Variants in RASGEF1A observed in about 807,000 individuals in gnomAD.
The protein encoded by RASGEF1A is ras-GEF domain-containing family member 1A.
A neutral mutation model predicts 56.4 loss-of-function variants in RASGEF1A; 18 were observed. That is an observed-to-expected ratio of 0.32 (90% CI 0.22 to 0.47). RASGEF1A has a LOEUF of 0.47. RASGEF1A is among the 20% of genes least tolerant of loss of function. The probability of loss-of-function intolerance (pLI) is 1.00; values close to 1 mark genes in which losing one functional copy is unlikely to be tolerated. For missense variants in RASGEF1A, 422 were observed against 627.1 expected, an observed-to-expected ratio of 0.67 and a Z score of 3.49; for synonymous variants, 245 against 242.6, an observed-to-expected ratio of 1.01 and a Z score of -0.09.
intron 3 of RASGEF1A, among the ~76,000 whole-genome samples, chr10:43,202,306 G>A (rs912821466): frequency 6.6e-6 from 1 of 152,214 alleles, no homozygotes; most frequent in Non-Finnish European, 1.5e-5. Flanking sequence ...GAGAGCTCCC[G>A]TCTGCCCCCT....
At position 43,224,419 on chromosome 10, in the gene RASGEF1A, C is replaced by A. The variant is rs117714827; in HGVS notation, c.-6-18297G>T. On this transcript the variant is annotated intron_variant, in intron 1 of 12. Transcript: ENST00000395810. The stretch of plus-strand genomic sequence containing the variant: ...CATTTTTAAGCACAATAGAGCCTGA[C>A]CCAGTGGGCTTTATTCCAGGAACAA... Among the ~76,000 whole-genome samples, 1,335 of 152,278 alleles carry A rather than the reference C, an allele frequency of 8.8e-3. 11 individuals carry two copies. The highest frequency in any genetic ancestry group is 0.013 in the Admixed American group (203 of 15,300).
intron 1 of RASGEF1A, among the ~76,000 whole-genome samples, chr10:43,239,327 T>C (rs1879310): frequency 0.17 from 25,575 of 152,228 alleles, 2,781 homozygotes; most frequent in East Asian, 0.51. Context: ...GTTATGATCA[T>C]TGTAAGTTTA....
At chr10:43,263,485 C>A (rs564030151) in intron 1 of RASGEF1A, among the ~76,000 whole-genome samples, 1 of 152,334 alleles carries the variant, frequency 6.6e-6, no homozygotes, top group African/African-American at 2.4e-5. Flanking sequence ...ACAGCCACAT[C>A]TTTGCATCCC....
At chr10:43,224,255 T>C (rs558012524) in intron 1 of RASGEF1A, among the ~76,000 whole-genome samples, 4 of 152,302 alleles carry the variant, frequency 2.6e-5, no homozygotes, top group African/African-American at 2.4e-5. Context: ...CTATTCATTT[T>C]ATAAAGCTAA....
chr10:43,248,364 TAAAAAAAAA>T (rs34561814), intron 1 of RASGEF1A, among the ~76,000 whole-genome samples: 7 of 111,420 alleles, frequency 6.3e-5, no homozygotes, highest in African/African-American at 2.1e-4. Context: ...ACTCGGTCTT[TAAAAAAAAA>T]AAAAAAAAAA....
intron 1 of RASGEF1A, 79 bp from the exon 2 acceptor site, chr10:43,206,201 G>A (rs901028752): frequency 9.0e-6 from 11 of 1,226,956 alleles, no homozygotes; most frequent in Non-Finnish European, 1.3e-5. Flanking sequence ...GCAGCCTGCA[G>A]CGTGCATGCA....
At chr10:43,253,511 G>C (rs1840650130) in intron 1 of RASGEF1A, among the ~76,000 whole-genome samples, 1 of 152,246 alleles carries the variant, frequency 6.6e-6, no homozygotes, top group Admixed American at 6.5e-5. Flanking sequence ...AGTCCTTAAA[G>C]TTGAAGAATC....
At chr10:43,220,254 C>A (rs979874850) in intron 1 of RASGEF1A, among the ~76,000 whole-genome samples, 1 of 152,174 alleles carries the variant, frequency 6.6e-6, no homozygotes, top group Non-Finnish European at 1.5e-5. Context: ...AATCCTGGCA[C>A]TTTAGGAAGC....
At chr10:43,264,137 T>G (rs960549308) in intron 1 of RASGEF1A, among the ~76,000 whole-genome samples, 4 of 152,068 alleles carry the variant, frequency 2.6e-5, no homozygotes, top group African/African-American at 9.7e-5. Context: ...CCATACCAGC[T>G]GACCTTCCCA....
At chr10:43,204,676 G>A (rs28401552) in intron 2 of RASGEF1A, among the ~76,000 whole-genome samples, 26,202 of 152,182 alleles carry the variant, frequency 0.17, 2,514 homozygotes, top group Admixed American at 0.25. Flanking sequence ...GTGGGGTGGC[G>A]GGGGAGGGGT....
At chr10:43,252,038 C>T (rs888161254) in intron 1 of RASGEF1A, among the ~76,000 whole-genome samples, 3 of 152,182 alleles carry the variant, frequency 2.0e-5, no homozygotes, top group Non-Finnish European at 4.4e-5. Context: ...TCCCACCTGG[C>T]CCTGGCCATG....
intron 1 of RASGEF1A, among the ~76,000 whole-genome samples, chr10:43,210,551 G>A (rs1263946562): frequency 1.3e-5 from 2 of 152,218 alleles, no homozygotes; most frequent in Admixed American, 1.3e-4. Flanking sequence ...ATTTTTCAAA[G>A]ACACCGTGCC....
chr10:43,203,567 C>T (rs1232066446), intron 2 of RASGEF1A, 147 bp from the exon 3 acceptor site: 1 of 1,335,462 alleles, frequency 7.5e-7, no homozygotes, highest in Non-Finnish European at 9.9e-7. Context: ...TTCCCTTCGC[C>T]TTGCAGGCCC....
intron 1 of RASGEF1A, among the ~76,000 whole-genome samples, chr10:43,240,326 C>G (rs1840485682): frequency 2.0e-5 from 3 of 152,144 alleles, no homozygotes; most frequent in African/African-American, 7.2e-5. Flanking sequence ...AACAAACAAC[C>G]ATTACTACAA....
chr10:43,220,639 G>A (rs1413895760), intron 1 of RASGEF1A, among the ~76,000 whole-genome samples: 2 of 152,140 alleles, frequency 1.3e-5, no homozygotes, highest in African/African-American at 4.8e-5. Context: ...CAAAAAATTA[G>A]CCAGGCACGG....
chr10:43,234,278 C>G (rs552755067), intron 1 of RASGEF1A, among the ~76,000 whole-genome samples: 7 of 152,314 alleles, frequency 4.6e-5, no homozygotes, highest in African/African-American at 1.7e-4. Context: ...CAGGGCCTAT[C>G]TAGGTCTGCT....
chr10:43,257,762 T>C (rs995280594), intron 1 of RASGEF1A, among the ~76,000 whole-genome samples: 6 of 152,132 alleles, frequency 3.9e-5, no homozygotes, highest in Non-Finnish European at 8.8e-5. Flanking sequence ...TTTTCACATG[T>C]GCTGTATAAT....
At chr10:43,229,679 T>C (rs1419187222) in intron 1 of RASGEF1A, 11 of 1,469,164 alleles carry the variant, frequency 7.5e-6, no homozygotes, top group Non-Finnish European at 9.9e-6. Flanking sequence ...CCCCGCGCCG[T>C]CCTGCCCGGT....
intron 1 of RASGEF1A, among the ~76,000 whole-genome samples, chr10:43,265,344 G>A (rs1588955964): frequency 6.6e-6 from 1 of 152,230 alleles, no homozygotes; most frequent in Non-Finnish European, 1.5e-5. Context: ...CACAAACCCA[G>A]GGGCATGTGC....
Sources: gnomAD v4.1 joint callset for allele counts (sites outside exome capture counted in the v4.1 genomes callset) on GRCh38, gnomAD v4.1.1 for gene constraint, MANE v1.5 for transcripts, NCBI Gene and HGNC (gene_info 2026-07-23, HGNC 2026-07-21) for gene names.